Variants in PDE1C observed in about 807,000 individuals in gnomAD.
PDE1C encodes the protein phosphodiesterase 1C.
A neutral mutation model predicts 93.1 loss-of-function variants in PDE1C; 62 were observed. The ratio of observed to expected loss-of-function variants is 0.67; its 90% confidence interval spans 0.54 to 0.82. The LOEUF is 0.82. Among genes scored for constraint, PDE1C ranks in the 40% least tolerant of loss-of-function variants. The pLI, the probability that PDE1C is intolerant of heterozygous loss-of-function variation, is 0.00. For synonymous variants in PDE1C, 325 were observed against 310.1 expected (o/e 1.05, Z -0.50); for missense variants, 742 against 884.6 (o/e 0.84, Z 2.04).
the PDE1C span, among the ~76,000 whole-genome samples, chr7:31,737,903 C>T: frequency 6.6e-6 from 1 of 151,664 alleles, no homozygotes; most frequent in Non-Finnish European, 1.5e-5. Context: ...GAGATTTAAG[C>T]CCTGTTTGCC....
chr7:32,235,486 C>A (rs2191000), intron 1 of PDE1C, among the ~76,000 whole-genome samples: 13,976 of 151,540 alleles, frequency 0.092, 770 homozygotes, highest in Admixed American at 0.13. Context: ...AACACACACA[C>A]AAAAATAATT....
chr7:31,923,268 A>T (rs1468428981), intron 2 of PDE1C, among the ~76,000 whole-genome samples: 3 of 152,100 alleles, frequency 2.0e-5, no homozygotes, highest in African/African-American at 7.2e-5. Context: ...AGATGCACTG[A>T]TTTTCAACCC....
intron 2 of PDE1C, among the ~76,000 whole-genome samples, chr7:31,884,813 T>A (rs756544240): frequency 2.6e-5 from 4 of 152,232 alleles, no homozygotes; most frequent in Non-Finnish European, 5.9e-5. Flanking sequence ...TTTAAGTTCA[T>A]GAGAATAAGG....
chr7:32,060,315 C>G (rs758686135), intron 1 of PDE1C, among the ~76,000 whole-genome samples: 4 of 152,170 alleles, frequency 2.6e-5, no homozygotes, highest in Non-Finnish European at 5.9e-5. Context: ...CACTCTGTGC[C>G]CTTCCTCCCA....
At chr7:32,219,036 T>C (rs1461651491) in intron 1 of PDE1C, among the ~76,000 whole-genome samples, 1 of 152,234 alleles carries the variant, frequency 6.6e-6, no homozygotes, top group Non-Finnish European at 1.5e-5. Context: ...TGTTGCCATA[T>C]GAATTTATCA....
At chr7:32,155,961 A>G (rs183984161) in intron 3 of PDE1C, among the ~76,000 whole-genome samples, 21 of 152,252 alleles carry the variant, frequency 1.4e-4, no homozygotes, top group Non-Finnish European at 2.8e-4. Context: ...CTGGGCAGAA[A>G]CGGCCATGTG....
chr7:31,708,058 A>C, the PDE1C span: 1 of 152,264 alleles, frequency 6.6e-6, no homozygotes, highest in Non-Finnish European at 1.5e-5. Flanking sequence ...AATGTTTGTG[A>C]TGAATTTACT....
chr7:32,305,339 T>G (rs980184885), intron 1 of PDE1C, among the ~76,000 whole-genome samples: 16 of 152,220 alleles, frequency 1.1e-4, no homozygotes, highest in Admixed American at 6.5e-5. Flanking sequence ...CTGCTACCTC[T>G]GCAGCCAATG....
rs1461700164 is a variant in PDE1C, at chr7:32,188,219, G to GC, written c.137-18264_137-18263insG. On this transcript the variant is annotated intron_variant, in intron 2 of 18. Transcript: ENST00000396193. ...GTTGCTAGTATATATGAAATTGGGG[G>GC]GGGATTTTACTAAAAAAAATTATTT... 6.0e-5 allele frequency among the ~76,000 whole-genome samples: 9 copies of GC among 149,752 alleles called. No individual in the cohort carries two copies. In the South Asian group the frequency reaches 1.7e-3, roughly 29 times the overall value.
At position 31,862,694 on chromosome 7, in the gene PDE1C, C is replaced by T. The variant is rs940211026; in HGVS notation, c.750+2248G>A. On this transcript the variant is annotated intron_variant, in intron 7 of 17. Transcript: ENST00000396191. ...CTCCCCTAGGCCCCACTACCTAATACCATCACATTGGAAGTTAGGATTTCA... is the reference window on the plus strand; with the variant it reads ...CTCCCCTAGGCCCCACTACCTAATATCATCACATTGGAAGTTAGGATTTCA... Among the ~76,000 whole-genome samples, 8 of 152,158 alleles carry T rather than the reference C, an allele frequency of 5.3e-5. 1 individual carries two copies. The highest frequency in any genetic ancestry group is 1.9e-4 in the African/African-American group (8 of 41,426).
intron 1 of PDE1C, among the ~76,000 whole-genome samples, chr7:32,271,955 C>CAACAA (rs1810998000): frequency 6.6e-6 from 1 of 152,166 alleles, no homozygotes; most frequent in African/African-American, 2.4e-5. Flanking sequence ...CCCGTTTTTT[C>CAACAA]TGCCATTGGG....
chr7:31,672,425 C>CA, the PDE1C span, among the ~76,000 whole-genome samples: 1 of 152,122 alleles, frequency 6.6e-6, no homozygotes, highest in African/African-American at 2.4e-5. Flanking sequence ...TCACCAACAA[C>CA]AACCTTACTC....
At chr7:32,257,311 T>C (rs1402978201) in intron 1 of PDE1C, among the ~76,000 whole-genome samples, 1 of 152,204 alleles carries the variant, frequency 6.6e-6, no homozygotes, top group African/African-American at 2.4e-5. Context: ...TTCATCTCTA[T>C]TCACCTCTAT....
At chr7:31,957,156 C>T (rs977715834) in intron 2 of PDE1C, among the ~76,000 whole-genome samples, 3 of 149,446 alleles carry the variant, frequency 2.0e-5, no homozygotes, top group Non-Finnish European at 4.4e-5. Flanking sequence ...TGATTTCCTC[C>T]AGTCTTACAT....
chr7:31,987,773 A>G (rs929371108), intron 2 of PDE1C, among the ~76,000 whole-genome samples: 1 of 152,164 alleles, frequency 6.6e-6, no homozygotes, highest in Non-Finnish European at 1.5e-5. Flanking sequence ...CCTCTGAATG[A>G]TATCCAATAC....
At chr7:31,967,699 A>G (rs1810244875) in intron 2 of PDE1C, among the ~76,000 whole-genome samples, 1 of 152,232 alleles carries the variant, frequency 6.6e-6, no homozygotes, top group African/African-American at 2.4e-5. Flanking sequence ...ACATTGATGA[A>G]AATTCCTCAA....
intron 3 of PDE1C, among the ~76,000 whole-genome samples, chr7:32,141,336 C>A (rs1185235430): frequency 6.6e-6 from 1 of 152,086 alleles, no homozygotes; most frequent in East Asian, 1.9e-4. Context: ...TAGCAAGATC[C>A]CCATTTCTAA....
chr7:32,144,017 G>A (rs1800681469), intron 3 of PDE1C, among the ~76,000 whole-genome samples: 1 of 152,136 alleles, frequency 6.6e-6, no homozygotes, highest in Admixed American at 6.5e-5. Context: ...TGAATTGAGA[G>A]ATGGAGATGG....
At chr7:32,173,733 C>T (rs1802800594) in intron 2 of PDE1C, among the ~76,000 whole-genome samples, 1 of 152,098 alleles carries the variant, frequency 6.6e-6, no homozygotes, top group Non-Finnish European at 1.5e-5. Context: ...GAGAATTCCT[C>T]CCTGAGACCT....
Sources: gnomAD v4.1 joint callset for allele counts (sites outside exome capture counted in the v4.1 genomes callset) on GRCh38, gnomAD v4.1.1 for gene constraint, MANE v1.5 for transcripts, NCBI Gene and HGNC (gene_info 2026-07-23, HGNC 2026-07-21) for gene names.